MATCAP2: variants seen among roughly 807,000 people sequenced by gnomAD.
MATCAP2 encodes putative tyrosine carboxypeptidase MATCAP2.
At chr7:36,380,958 T>G in the MATCAP2 span, among the ~76,000 whole-genome samples, 1 of 152,236 alleles carries the variant, frequency 6.6e-6, no homozygotes, top group South Asian at 2.1e-4. Flanking sequence ...GGTTTGGTTT[T>G]GTTTTAAACT....
the MATCAP2 span, chr7:36,333,825 G>A: frequency 6.5e-7 from 1 of 1,527,932 alleles, no homozygotes; most frequent in East Asian, 2.3e-5. Flanking sequence ...TAGTCAGTAA[G>A]TCAGAAAACC....
chr7:36,366,854 CGGGCGG>C, the MATCAP2 span: 10 of 1,502,006 alleles, frequency 6.7e-6, no homozygotes, highest in Non-Finnish European at 7.9e-6. Context: ...ACCTGAGCCC[CGGGCGG>C]CGGGACCCCG....
the MATCAP2 span, chr7:36,336,344 T>A: frequency 7.5e-7 from 1 of 1,336,494 alleles, no homozygotes; most frequent in Non-Finnish European, 1.0e-6. Context: ...TCATATTACT[T>A]TGAGATGTCA....
At chr7:36,352,637 G>T in the MATCAP2 span, among the ~76,000 whole-genome samples, 15 of 151,906 alleles carry the variant, frequency 9.9e-5, no homozygotes, top group African/African-American at 3.4e-4. Flanking sequence ...AGACCAGCCT[G>T]GCCAACAGAT....
chr7:36,330,993 C>G, the MATCAP2 span: 1 of 1,607,304 alleles, frequency 6.2e-7, no homozygotes, highest in Non-Finnish European at 8.5e-7. Flanking sequence ...TTCCCGAGAG[C>G]AGTCAGCAGA....
At chr7:36,375,402 C>T in the MATCAP2 span, among the ~76,000 whole-genome samples, 4 of 152,028 alleles carry the variant, frequency 2.6e-5, no homozygotes, top group South Asian at 2.1e-4. Context: ...TATTGATTTG[C>T]GTATGTTGAA....
At chr7:36,344,939 A>T in the MATCAP2 span, among the ~76,000 whole-genome samples, 1 of 152,232 alleles carries the variant, frequency 6.6e-6, no homozygotes, top group Non-Finnish European at 1.5e-5. Context: ...TTCATAAATC[A>T]GTTTTAAAAT....
chr7:36,353,732 C>G, the MATCAP2 span, among the ~76,000 whole-genome samples: 5 of 152,098 alleles, frequency 3.3e-5, no homozygotes, highest in Non-Finnish European at 5.9e-5. Context: ...CCGCCTGCCT[C>G]GGACTCCCAA....
chr7:36,343,588 GGAGGT>G, the MATCAP2 span, among the ~76,000 whole-genome samples: 3 of 98,140 alleles, frequency 3.1e-5, no homozygotes, highest in Non-Finnish European at 4.3e-5. Flanking sequence ...GAGGGAGAGG[GGAGGT>G]GGAAAGGAAG....
chr7:36,357,695 T>C, the MATCAP2 span: 16 of 838,886 alleles, frequency 1.9e-5, no homozygotes, highest in Middle Eastern at 3.7e-4. Context: ...ACTTCGTAAT[T>C]TTGCAGTAAT....
At chr7:36,328,242 G>GA in the MATCAP2 span, among the ~76,000 whole-genome samples, 1 of 101,476 alleles carries the variant, frequency 9.9e-6, no homozygotes, top group Non-Finnish European at 2.3e-5. Context: ...GTTTTTGTAG[G>GA]GGGGGGGGGT....
chr7:36,367,219 G>A, the MATCAP2 span: 6 of 1,152,062 alleles, frequency 5.2e-6, no homozygotes, highest in Non-Finnish European at 6.4e-6. Context: ...TGACGTAGCC[G>A]CTCCGCCGGT....
At chr7:36,356,672 C>T in the MATCAP2 span, 1 of 584,298 alleles carries the variant, frequency 1.7e-6, no homozygotes, top group South Asian at 2.2e-5. Flanking sequence ...AATATAATTG[C>T]TTCCTGTCAC....
chr7:36,388,050 T>A, the MATCAP2 span, among the ~76,000 whole-genome samples: 4 of 152,178 alleles, frequency 2.6e-5, no homozygotes, highest in Admixed American at 2.6e-4. Flanking sequence ...TATGAAATAT[T>A]TTTGGATTAT....
chr7:36,334,003 C>G, the MATCAP2 span: 1 of 1,614,050 alleles, frequency 6.2e-7, no homozygotes, highest in South Asian at 1.1e-5. Flanking sequence ...TAGAGGAGGG[C>G]AGCCCTCCAT....
chr7:36,338,287 T>A, the MATCAP2 span, among the ~76,000 whole-genome samples: 60 of 152,230 alleles, frequency 3.9e-4, no homozygotes, highest in Admixed American at 2.2e-3. Flanking sequence ...AGCACCTTTT[T>A]AATGTATTTA....
At chr7:36,356,407 C>T in the MATCAP2 span, 5 of 165,966 alleles carry the variant, frequency 3.0e-5, no homozygotes, top group Non-Finnish European at 6.6e-5. Context: ...CCCAGCTACT[C>T]GGGAGGCTGA....
chr7:36,362,879 G>C, the MATCAP2 span, among the ~76,000 whole-genome samples: 32 of 152,062 alleles, frequency 2.1e-4, no homozygotes, highest in Non-Finnish European at 4.1e-4. Flanking sequence ...ATAACACCTT[G>C]TATCTCTTCT....
chr7:36,386,556 C>T, the MATCAP2 span, among the ~76,000 whole-genome samples: 1 of 150,884 alleles, frequency 6.6e-6, no homozygotes, highest in African/African-American at 2.4e-5. Context: ...ATTGGCAAGC[C>T]GAAAAACCAA....
Sources: allele counts gnomAD v4.1 joint callset (sites outside exome capture counted in the v4.1 genomes callset), GRCh38; gene constraint gnomAD v4.1.1; transcripts MANE v1.5; gene names NCBI Gene and HGNC (gene_info 2026-07-23, HGNC 2026-07-21).